Variants in GADD45GIP1 observed in about 807,000 individuals in gnomAD.
GADD45GIP1 encodes the protein large ribosomal subunit protein mL64.
In GADD45GIP1, 17 loss-of-function variants were observed where a neutral mutation model predicts 22.1. That is an observed-to-expected ratio of 0.77 (90% CI 0.53 to 1.15). The LOEUF (loss-of-function observed/expected upper bound fraction) is 1.15, where lower values mean the gene tolerates loss of function less well. GADD45GIP1 is among the 50% of genes most tolerant of loss of function. The pLI, the probability that GADD45GIP1 is intolerant of heterozygous loss-of-function variation, is 0.00. For synonymous variants in GADD45GIP1, 135 were observed against 138.4 expected (o/e 0.98, Z 0.17); for missense variants, 294 against 314.0 (o/e 0.94, Z 0.48).
At chr19:12,954,665 T>C in intron 1 of GADD45GIP1, 139 bp from the exon 2 acceptor site, 1 of 651,940 alleles carries the variant, frequency 1.5e-6, no homozygotes, top group South Asian at 2.0e-5. Flanking sequence ...GGAAAAGCCC[T>C]TGACAAGTGA....
At position 12,954,460 on chromosome 19, in the gene GADD45GIP1, C is replaced by A. The variant is rs1237995606; in HGVS notation, c.417G>T (p.Gln139His). The A allele has an allele frequency of 1.9e-6, 3 of 1,612,920 alleles. No homozygotes were observed. Among genetic ancestry groups the A allele is most frequent in the Non-Finnish European group, 2.5e-6 (3 of 1,179,052 alleles). The change falls in exon 2 of 2, where the codon CAG becomes CAT. Residue 139 changes from glutamine (Q) to histidine (H), a missense_variant. Physicochemically the swap from Gln to His is conservative, Grantham distance 24. Coordinates refer to ENST00000316939, the MANE Select transcript of GADD45GIP1 (RefSeq NM_052850.4). Reference sequence around the variant, plus strand: ...CCTGGGCCTTCTCCCAGTTCTCCCGCTGCTGCTGCTGCCAGTTCACAATCA... The same window carrying A: ...CCTGGGCCTTCTCCCAGTTCTCCCGATGCTGCTGCTGCCAGTTCACAATCA... ...PQMIVNWQQQ[Q>H]RENWEKAQAD...
At position 12,954,818 on chromosome 19, in the gene GADD45GIP1, T is replaced by G. The variant is rs565287869; in HGVS notation, c.351-292A>C. Among the ~76,000 whole-genome samples the G allele has an allele frequency of 1.1e-4, 17 of 152,330 alleles. 1 individual carries two copies. The South Asian group carries it at 3.5e-3, about 32-fold the overall frequency. ...CTGAGCAAGCCAAGTGCCACTCCCA[T>G]GGATAATTTCACACCTTTATTTCAT... On this transcript the variant is annotated intron_variant, in intron 1 of 1. Coordinates refer to ENST00000316939, the MANE Select transcript of GADD45GIP1 (RefSeq NM_052850.4).
At chr19:12,956,008 A>G (rs1019266593) in intron 1 of GADD45GIP1, among the ~76,000 whole-genome samples, 5 of 152,216 alleles carry the variant, frequency 3.3e-5, no homozygotes, top group African/African-American at 9.6e-5. Context: ...TTTAAGGCAT[A>G]TCGTATCTCA....
At chr19:12,956,272 C>T (rs756308151) in intron 1 of GADD45GIP1, among the ~76,000 whole-genome samples, 18 of 152,210 alleles carry the variant, frequency 1.2e-4, no homozygotes, top group Non-Finnish European at 2.5e-4. Flanking sequence ...GGGCCTGCCT[C>T]GGCCTCCCAA....
At position 12,954,082 on chromosome 19, in the gene GADD45GIP1, G is replaced by A. The variant is rs1971890599; in HGVS notation, c.*126C>T. 5 of 837,688 alleles carry A rather than the reference G, an allele frequency of 6.0e-6. No individual in the cohort carries two copies. In the Admixed American group the frequency reaches 1.2e-4, roughly 20 times the overall value. The allele number at this position is 837,688 out of a possible 1,614,324, so 51.9% of individuals were successfully genotyped here. Reference sequence around the variant, plus strand: ...GTCCCCTTTTGAGTACAGCCAAGTGGGGGATTCCCCAGCTCTTAAGTATTG... The same window carrying A: ...GTCCCCTTTTGAGTACAGCCAAGTGAGGGATTCCCCAGCTCTTAAGTATTG... On this transcript the variant is annotated 3_prime_UTR_variant, in exon 2 of 2. Transcript: ENST00000316939.
rs760192452 is a variant in GADD45GIP1, at chr19:12,954,388, G to A, written c.489C>T (p.Leu163=). The A allele has an allele frequency of 6.2e-6, 10 of 1,614,190 alleles. No individual in the cohort carries two copies. Among genetic ancestry groups the A allele is most frequent in the South Asian group, 3.3e-5 (3 of 91,088 alleles). The change falls in exon 2 of 2, where the codon CTC becomes CTT. Residue 163 remains leucine (L), a synonymous_variant. Coordinates refer to ENST00000316939, the MANE Select transcript of GADD45GIP1 (RefSeq NM_052850.4). ...RARLQAEAQE[L]LGYQVDPRSA... ...TCCTTGGGTCCACCTGGTAGCCCAGGAGCTCCTGGGCCTCAGCCTGCAGTC... is the reference window on the plus strand; with the variant it reads ...TCCTTGGGTCCACCTGGTAGCCCAGAAGCTCCTGGGCCTCAGCCTGCAGTC...
In GADD45GIP1 at chr19:12,954,442, C is replaced by A; in HGVS notation, c.435G>T (p.Lys145Asn). The part of the protein sequence containing the change: ...WQQQQRENWE[K>N]AQADKERRAR... ...CCCTCCTCTCCTTGTCAGCCTGGGC[C>A]TTCTCCCAGTTCTCCCGCTGCTGCT... The change falls in exon 2 of 2, where the codon AAG (lysine) becomes AAT (asparagine). Residue 145 changes from lysine (K) to asparagine (N), a missense_variant. Coordinates refer to ENST00000316939, the MANE Select transcript of GADD45GIP1 (RefSeq NM_052850.4). 1.2e-6 allele frequency: 2 copies of A among 1,614,196 alleles called. No homozygotes were observed. Among genetic ancestry groups the A allele is most frequent in the East Asian group, 4.5e-5 (2 of 44,874 alleles).
rs1376393680 is a variant in GADD45GIP1, at chr19:12,954,007, C to G, written c.*201G>C. On this transcript the variant is annotated 3_prime_UTR_variant, in exon 2 of 2. Transcript: ENST00000316939. Reference sequence around the variant, plus strand: ...CCATTATTTGCCCATTGTACACCCCCCTTTTCCTCCCACTGAAGCCCCAGT... The same window carrying G: ...CCATTATTTGCCCATTGTACACCCCGCTTTTCCTCCCACTGAAGCCCCAGT... The G allele has an allele frequency of 8.6e-6, 5 of 580,280 alleles. No individual in the cohort carries two copies. Among genetic ancestry groups the G allele is most frequent in the Non-Finnish European group, 1.2e-5 (4 of 327,238 alleles). 35.9% of individuals were successfully genotyped at this position (580,280 alleles called of 1,614,324 possible).
intron 1 of GADD45GIP1, among the ~76,000 whole-genome samples, chr19:12,956,407 A>G (rs925570595): frequency 4.6e-5 from 7 of 152,124 alleles, no homozygotes; most frequent in Middle Eastern, 3.2e-3. Context: ...TAATCCCGGC[A>G]CTTTGGGAGG....
chr19:12,954,624 C>G (rs968989681), intron 1 of GADD45GIP1, 98 bp from the exon 2 acceptor site: 7 of 867,074 alleles, frequency 8.1e-6, no homozygotes, highest in Non-Finnish European at 1.2e-5. Flanking sequence ...ACGAGCCTGC[C>G]TCCTCAACTC....
At chr19:12,954,850 T>C (rs931497522) in intron 1 of GADD45GIP1, among the ~76,000 whole-genome samples, 3 of 152,200 alleles carry the variant, frequency 2.0e-5, no homozygotes, top group African/African-American at 7.2e-5. Context: ...TCATAGACAT[T>C]GCTGAGCACT....
At position 12,954,336 on chromosome 19, in the gene GADD45GIP1, C is replaced by G. The variant is rs1568456419; in HGVS notation, c.541G>C (p.Asp181His). Reference sequence around the variant, plus strand: ...CGCTTGCGCTCCTTCTTCTCTAGGTCCTGGAGCAGCTCCTGGAAGCGGGCA... The same window carrying G: ...CGCTTGCGCTCCTTCTTCTCTAGGTGCTGGAGCAGCTCCTGGAAGCGGGCA... ...RSARFQELLQ[D>H]LEKKERKRLK... Residue 181 changes from aspartate to histidine, a missense_variant, in exon 2 of 2, where the codon GAC becomes CAC. Physicochemically the swap from Asp to His is moderately conservative, Grantham distance 81. Coordinates refer to ENST00000316939, the MANE Select transcript of GADD45GIP1 (RefSeq NM_052850.4). 1 of 1,614,188 alleles carries G rather than the reference C, an allele frequency of 6.2e-7. No homozygotes were observed. The highest frequency in any genetic ancestry group is 8.5e-7 in the Non-Finnish European group (1 of 1,180,014).
Position 12,954,297 on chromosome 19 carries a change from T to C in GADD45GIP1, c.580A>G (p.Lys194Glu), listed in dbSNP as rs754771873. 5 of 1,614,056 alleles carry C rather than the reference T, an allele frequency of 3.1e-6. No individual in the cohort carries two copies. The East Asian group carries it at 1.1e-4, about 36-fold the overall frequency. ...KKERKRLKEEKQKRKKEARAA... is the reference protein window; with the variant it reads ...KKERKRLKEEEQKRKKEARAA... Reference sequence around the variant, plus strand: ...CGCGCCTCCTTCTTCCGTTTCTGTTTTTCCTCCTTGAGGCGCTTGCGCTCC... The same window carrying C: ...CGCGCCTCCTTCTTCCGTTTCTGTTCTTCCTCCTTGAGGCGCTTGCGCTCC... The change falls in exon 2 of 2, where the codon AAA (lysine) becomes GAA (glutamate). Residue 194 changes from lysine to glutamate, a missense_variant. Transcript: ENST00000316939.
chr19:12,956,798 G>A, intron 1 of GADD45GIP1, 65 bp downstream of exon 1: 2 of 1,472,986 alleles, frequency 1.4e-6, no homozygotes, highest in South Asian at 2.3e-5. Context: ...GGGTAGGCAC[G>A]GTTTGGGGCC....
At chr19:12,955,917 G>T (rs1012482130) in intron 1 of GADD45GIP1, among the ~76,000 whole-genome samples, 1 of 152,116 alleles carries the variant, frequency 6.6e-6, no homozygotes, top group East Asian at 1.9e-4. Flanking sequence ...CTCTGTATCT[G>T]ACCTCTGCCC....
chr19:12,955,597 C>T (rs1384778230), intron 1 of GADD45GIP1, among the ~76,000 whole-genome samples: 1 of 152,108 alleles, frequency 6.6e-6, no homozygotes, highest in Non-Finnish European at 1.5e-5. Context: ...CGGTGGCTCA[C>T]GCCTGTAATC....
In GADD45GIP1 at chr19:12,954,383, C is replaced by G. The variant is rs774760846; in HGVS notation, c.494G>C (p.Gly165Ala). ...GGCACTCCTTGGGTCCACCTGGTAG[C>G]CCAGGAGCTCCTGGGCCTCAGCCTG... ...RLQAEAQELL[G>A]YQVDPRSARF... is the part of the protein sequence containing the mutation. Residue 165 changes from glycine (G) to alanine (A), a missense_variant, in exon 2 of 2, where the codon GGC (glycine) becomes GCC (alanine). Gly to Ala is a moderately conservative substitution (Grantham distance 60). Coordinates refer to ENST00000316939, the MANE Select transcript of GADD45GIP1 (RefSeq NM_052850.4). 5 of 1,614,180 alleles carry G rather than the reference C, an allele frequency of 3.1e-6. No homozygotes were observed. The highest frequency in any genetic ancestry group is 4.2e-6 in the Non-Finnish European group (5 of 1,180,012).
chr19:12,953,150 GAAA>G lies in GADD45GIP1; in HGVS notation c.*1055_*1057del. 5.0e-6 allele frequency: 4 copies of G among 792,172 alleles called. No homozygotes were observed. Among genetic ancestry groups the G allele is most frequent in the Non-Finnish European group, 3.8e-6 (2 of 531,716 alleles). 49.1% of individuals were successfully genotyped at this position (792,172 alleles called of 1,614,324 possible). On this transcript the variant is annotated 3_prime_UTR_variant, in exon 2 of 2. Transcript: ENST00000316939. Reference sequence around the variant, plus strand: ...TATATTCATGTTTATTTAAGAAATGGAAAAAAAAATCAAAAATCTTAAAAAAAC... The same window carrying G: ...TATATTCATGTTTATTTAAGAAATGGAAAAAATCAAAAATCTTAAAAAAAC...
rs201873637 is a variant in GADD45GIP1 at position 12,954,167 on chromosome 19, G to C, written c.*41C>G. ...TGAGAGGACGCAGATCTCTTCAGGG[G>C]TACTGCCAGGTAGCAGGCTTTATTG... On this transcript the variant is annotated 3_prime_UTR_variant, in exon 2 of 2. Transcript: ENST00000316939. The C allele has an allele frequency of 3.9e-6, 6 of 1,545,236 alleles. No homozygotes were observed. The highest frequency in any genetic ancestry group is 5.3e-6 in the Non-Finnish European group (6 of 1,128,044).
Sources: gnomAD v4.1 joint callset for allele counts (sites outside exome capture counted in the v4.1 genomes callset) on GRCh38, gnomAD v4.1.1 for gene constraint, MANE v1.5 for transcripts, NCBI Gene and HGNC (gene_info 2026-07-23, HGNC 2026-07-21) for gene names.